The following MPPED2 variants were observed in gnomAD, a reference collection of about 807,000 sequenced individuals.
MPPED2 encodes the protein metallophosphoesterase domain containing 2.
A neutral mutation model predicts 33.0 loss-of-function variants in MPPED2; 5 were observed. The observed-to-expected ratio is 0.15, with a 90% CI of 0.08 to 0.32. The LOEUF (loss-of-function observed/expected upper bound fraction) is 0.32. Among genes scored for constraint, MPPED2 ranks in the 10% least tolerant of loss-of-function variants. The probability of loss-of-function intolerance (pLI) is 1.00; values close to 1 mark genes in which losing one functional copy is unlikely to be tolerated. For missense variants in MPPED2, 275 were observed against 372.1 expected, an observed-to-expected ratio of 0.74 and a Z score of 2.15; for synonymous variants, 136 against 141.9, an observed-to-expected ratio of 0.96 and a Z score of 0.29.
At chr11:30,420,850 G>T (rs1260513892) in intron 4 of MPPED2, among the ~76,000 whole-genome samples, 1 of 152,036 alleles carries the variant, frequency 6.6e-6, no homozygotes, top group Non-Finnish European at 1.5e-5. Context: ...TCTCATTTGG[G>T]ATGCCCATCC....
chr11:30,504,649 G>C (rs1952734103), intron 3 of MPPED2: 1 of 593,818 alleles, frequency 1.7e-6, no homozygotes, highest in African/African-American at 1.9e-5. Flanking sequence ...ATTCAGTCAG[G>C]GCAAGCTCTG....
At chr11:30,460,661 T>A (rs1278495718) in intron 4 of MPPED2, among the ~76,000 whole-genome samples, 5 of 152,184 alleles carry the variant, frequency 3.3e-5, no homozygotes, top group South Asian at 2.1e-4. Context: ...TAAATATTTT[T>A]AAAATTTTTA....
At chr11:30,404,400 TA>T (rs1295278709) in intron 6 of MPPED2, among the ~76,000 whole-genome samples, 1 of 152,166 alleles carries the variant, frequency 6.6e-6, no homozygotes. Context: ...GGCATGCCAT[TA>T]GAGAAAACCA....
intron 2 of MPPED2, among the ~76,000 whole-genome samples, chr11:30,566,066 G>T (rs1223372645): frequency 6.6e-6 from 1 of 152,120 alleles, no homozygotes; most frequent in South Asian, 2.1e-4. Context: ...AATAAAAACT[G>T]GTTCGCCTTA....
intron 4 of MPPED2, among the ~76,000 whole-genome samples, chr11:30,483,106 T>G (rs1951565371): frequency 6.6e-6 from 1 of 152,156 alleles, no homozygotes; most frequent in African/African-American, 2.4e-5. Context: ...ACACAGAATT[T>G]GCCTCCGGTA....
intron 3 of MPPED2, among the ~76,000 whole-genome samples, chr11:30,513,450 G>A (rs1953344331): frequency 6.6e-6 from 1 of 152,168 alleles, no homozygotes; most frequent in Admixed American, 6.5e-5. Context: ...GCCAATTGAT[G>A]GTGACAGATA....
chr11:30,505,512 G>GA (rs988549366), intron 3 of MPPED2, among the ~76,000 whole-genome samples: 8 of 152,156 alleles, frequency 5.3e-5, no homozygotes, highest in Admixed American at 5.2e-4. Context: ...CTGGACAAAA[G>GA]AATCATAAGG....
chr11:30,426,737 T>A (rs523814), intron 4 of MPPED2, among the ~76,000 whole-genome samples: 33,568 of 152,130 alleles, frequency 0.22, 4,291 homozygotes, highest in Non-Finnish European at 0.3. Context: ...ATAACCTAAT[T>A]TCAGAGGAGC....
At chr11:30,444,868 C>T (rs1197489963) in intron 4 of MPPED2, among the ~76,000 whole-genome samples, 1 of 152,160 alleles carries the variant, frequency 6.6e-6, no homozygotes, top group Admixed American at 6.5e-5. Flanking sequence ...CCTGCACTAC[C>T]TTAATTAAAT....
chr11:30,410,781 TGA>T lies in MPPED2; in HGVS notation c.*685_*686del. On this transcript the variant is annotated 3_prime_UTR_variant, in exon 7 of 7. Transcript: ENST00000358117. ...TTTAACCGTATGAAATACCTGCTCT[TGA>T]CAGATTCCATTTCTGTATTTTTAAA... 1.0e-6 allele frequency: 1 copy of T among 985,394 alleles called. No homozygotes were observed. Among genetic ancestry groups the T allele is most frequent in the Non-Finnish European group, 1.2e-6 (1 of 829,496 alleles). The allele number at this position is 985,394 out of a possible 1,614,324, so 61.0% of individuals were successfully genotyped here.
At chr11:30,546,238 A>G (rs1322415976) in intron 2 of MPPED2, among the ~76,000 whole-genome samples, 1 of 152,238 alleles carries the variant, frequency 6.6e-6, no homozygotes. Context: ...TTACAACATC[A>G]TGAACAAAAT....
chr11:30,520,172 G>A (rs1565148544), intron 3 of MPPED2, among the ~76,000 whole-genome samples: 1 of 152,052 alleles, frequency 6.6e-6, no homozygotes, highest in Non-Finnish European at 1.5e-5. Flanking sequence ...AAAGAATGCT[G>A]CTTCTTTCCT....
chr11:30,512,417 TGGG>T lies in MPPED2; in HGVS notation c.311-16899_311-16897del, dbSNP rs1953265639. 3.3e-5 allele frequency among the ~76,000 whole-genome samples: 5 copies of T among 152,144 alleles called. No homozygotes were observed. In the South Asian group the frequency reaches 1.0e-3, roughly 32 times the overall value. ...ATTTCTCGTTGCATGCTGGGGCAAG[TGGG>T]GTCAAGGGAAAACTTTGTTCAAAGA... On this transcript the variant is annotated intron_variant, in intron 3 of 6. Transcript: ENST00000358117.
At chr11:30,437,607 C>T (rs543630920) in intron 4 of MPPED2, among the ~76,000 whole-genome samples, 6 of 152,290 alleles carry the variant, frequency 3.9e-5, no homozygotes, top group Admixed American at 1.3e-4. Context: ...TAAATCTAGT[C>T]GCCAGCCTTC....
At chr11:30,568,620 C>A (rs1384343160) in intron 2 of MPPED2, among the ~76,000 whole-genome samples, 2 of 152,178 alleles carry the variant, frequency 1.3e-5, no homozygotes, top group East Asian at 3.8e-4. Flanking sequence ...CTACTTCTCA[C>A]TCTGGACTGC....
Position 30,468,229 on chromosome 11 carries a change from T to TACAC in MPPED2, c.536+27063_536+27066dup, listed in dbSNP as rs1174150864. Among the ~76,000 whole-genome samples the TACAC allele has an allele frequency of 0.01, 1,543 of 147,266 alleles. 80 individuals carry two copies. The East Asian group carries it at 0.18, about 17-fold the overall frequency. ...ATGAAATCACAAATATGGCATACTA[T>TACAC]ACACACACACACACACACACACACA... On this transcript the variant is annotated intron_variant, in intron 4 of 6. Transcript: ENST00000358117.
intron 3 of MPPED2, among the ~76,000 whole-genome samples, chr11:30,520,887 C>T (rs891067908): frequency 2.0e-5 from 3 of 152,054 alleles, no homozygotes; most frequent in Non-Finnish European, 2.9e-5. Context: ...TGCCATTCAC[C>T]GAGTATGTAC....
intron 2 of MPPED2, among the ~76,000 whole-genome samples, chr11:30,574,710 G>A (rs1203965692): frequency 6.6e-6 from 1 of 152,094 alleles, no homozygotes; most frequent in Non-Finnish European, 1.5e-5. Flanking sequence ...ATCAGATCAA[G>A]ACTTTAAAGC....
intron 2 of MPPED2, among the ~76,000 whole-genome samples, chr11:30,539,297 C>A (rs1053237435): frequency 2.6e-5 from 4 of 152,170 alleles, no homozygotes; most frequent in African/African-American, 9.7e-5. Context: ...GTTTATGCTG[C>A]TGAGTTCTCA....
Sources: allele counts gnomAD v4.1 joint callset (sites outside exome capture counted in the v4.1 genomes callset), GRCh38; gene constraint gnomAD v4.1.1; transcripts MANE v1.5; gene names NCBI Gene and HGNC (gene_info 2026-07-23, HGNC 2026-07-21).